Variants in CORO2B observed in about 807,000 individuals in gnomAD.
The protein encoded by CORO2B is coronin 2B.
A neutral mutation model predicts 58.8 loss-of-function variants in CORO2B; 26 were observed. The ratio of observed to expected loss-of-function variants is 0.44; its 90% CI spans 0.32 to 0.61. The LOEUF (loss-of-function observed/expected upper bound fraction) is 0.61. Among genes scored for constraint, CORO2B ranks in the 20% least tolerant of loss-of-function variants. CORO2B has a pLI of 0.04. For synonymous variants in CORO2B, 242 were observed against 253.8 expected (o/e 0.95, Z 0.44); for missense variants, 460 against 645.1 (o/e 0.71, Z 3.11).
At chr15:68,653,876 C>T (rs181378581) in intron 2 of CORO2B, among the ~76,000 whole-genome samples, 1 of 152,010 alleles carries the variant, frequency 6.6e-6, no homozygotes, top group South Asian at 2.1e-4. Flanking sequence ...AAAAAAAATG[C>T]CTGAATCTTC....
upstream of CORO2B, among the ~76,000 whole-genome samples, chr15:68,578,222 C>A (rs546747451): frequency 9.4e-4 from 143 of 152,252 alleles, no homozygotes; most frequent in African/African-American, 3.2e-3. This position sits in a 1 kb window ranked among gnomAD's most constrained non-coding sequence, Gnocchi z 4.2. Context: ...ACCAGTAGAG[C>A]GGCACTCAGT....
chr15:68,660,610 A>T (rs1047049027), intron 2 of CORO2B, among the ~76,000 whole-genome samples: 1 of 152,092 alleles, frequency 6.6e-6, no homozygotes, highest in African/African-American at 2.4e-5. Context: ...GGCTCAAGCA[A>T]TCCACCCATC....
intron 2 of CORO2B, among the ~76,000 whole-genome samples, chr15:68,676,840 C>G (rs982290122): frequency 4.4e-5 from 6 of 137,216 alleles, no homozygotes; most frequent in African/African-American, 2.0e-4. Flanking sequence ...GGCACCATCA[C>G]GACTCACTGC....
intron 1 of CORO2B, among the ~76,000 whole-genome samples, chr15:68,605,365 G>A (rs1212269045): frequency 2.0e-5 from 3 of 152,144 alleles, no homozygotes; most frequent in Non-Finnish European, 2.9e-5. Context: ...ATCCAAAGGC[G>A]GGGAAAAACT....
chr15:68,563,612 A>G, the CORO2B span, among the ~76,000 whole-genome samples: 1 of 152,248 alleles, frequency 6.6e-6, no homozygotes, highest in East Asian at 1.9e-4. Flanking sequence ...GGTTATTTGA[A>G]AAGATCAACA....
intron 2 of CORO2B, among the ~76,000 whole-genome samples, chr15:68,659,162 G>A (rs1023736862): frequency 6.6e-6 from 1 of 152,146 alleles, no homozygotes; most frequent in Non-Finnish European, 1.5e-5. Context: ...CCAGTAGGAG[G>A]GAATTGCTGT....
intron 1 of CORO2B, among the ~76,000 whole-genome samples, chr15:68,610,450 C>T (rs1438010025): frequency 6.6e-6 from 1 of 152,074 alleles, no homozygotes; most frequent in Non-Finnish European, 1.5e-5. Context: ...TTGTCTTCCT[C>T]CCTGATCTCC....
At chr15:68,536,033 A>T in the CORO2B span, among the ~76,000 whole-genome samples, 1 of 152,226 alleles carries the variant, frequency 6.6e-6, no homozygotes, top group East Asian at 1.9e-4. Flanking sequence ...TATGGTTCTG[A>T]AAACTTAGTT....
chr15:68,554,157 A>G, the CORO2B span, among the ~76,000 whole-genome samples: 1 of 152,044 alleles, frequency 6.6e-6, no homozygotes, highest in Non-Finnish European at 1.5e-5. Flanking sequence ...GTATGGGGAG[A>G]CAGAGAGGAA....
At chr15:68,545,892 C>T in the CORO2B span, among the ~76,000 whole-genome samples, 2 of 152,262 alleles carry the variant, frequency 1.3e-5, no homozygotes, top group African/African-American at 4.8e-5. Context: ...GTGCCAGGGC[C>T]CAGGAAGACT....
the CORO2B span, among the ~76,000 whole-genome samples, chr15:68,568,690 C>T: frequency 1.3e-5 from 2 of 152,196 alleles, no homozygotes; most frequent in South Asian, 4.2e-4. Context: ...GATTTTGCCC[C>T]CATTTTTTAA....
the CORO2B span, among the ~76,000 whole-genome samples, chr15:68,550,264 C>T: frequency 6.6e-5 from 10 of 152,102 alleles, no homozygotes; most frequent in Non-Finnish European, 1.0e-4. Flanking sequence ...AAAGAACCCC[C>T]GGGATGTAAT....
intron 1 of CORO2B, among the ~76,000 whole-genome samples, chr15:68,626,232 G>A (rs115971024): frequency 0.016 from 2,454 of 152,298 alleles, 73 homozygotes; most frequent in African/African-American, 0.057. Context: ...TAACGCAGGA[G>A]GGGGCTTGAG....
At chr15:68,581,426 A>G (rs925694797) in intron 1 of CORO2B, among the ~76,000 whole-genome samples, 2 of 152,208 alleles carry the variant, frequency 1.3e-5, no homozygotes, top group African/African-American at 4.8e-5. Flanking sequence ...TTTGCTGTCT[A>G]CAAGCCCGCT....
chr15:68,583,438 T>C (rs1899478422), intron 1 of CORO2B, among the ~76,000 whole-genome samples: 1 of 152,198 alleles, frequency 6.6e-6, no homozygotes, highest in Non-Finnish European at 1.5e-5. Context: ...TCCACCCGGC[T>C]GCCCTGGCAA....
chr15:68,549,953 AAAATAAATAAATAAAT>A, the CORO2B span, among the ~76,000 whole-genome samples: 4 of 144,572 alleles, frequency 2.8e-5, no homozygotes, highest in African/African-American at 1.0e-4. Context: ...AAAATAAAAT[AAAATAAATAAATAAAT>A]AAATAAATAA....
At position 68,645,993 on chromosome 15, in the gene CORO2B, C is replaced by T. The variant is rs779096181; in HGVS notation, c.216+633C>T. On this transcript the variant is annotated intron_variant, in intron 2 of 11. Coordinates refer to ENST00000261861, the MANE Select transcript of CORO2B (RefSeq NM_006091.5). The surrounding 1 kb of genome is among the most constrained non-coding windows in gnomAD (Gnocchi z 4.5). ...TTCACCATGTTGGTCAGGCTGGTCT[C>T]GAAATCCTGACCTCAGGTGATCTGC... Among the ~76,000 whole-genome samples, 2 of 151,922 alleles carry T rather than the reference C, an allele frequency of 1.3e-5. No individual in the cohort carries two copies. Among genetic ancestry groups the T allele is most frequent in the African/African-American group, 2.4e-5 (1 of 41,346 alleles).
intron 2 of CORO2B, among the ~76,000 whole-genome samples, chr15:68,654,777 C>T (rs1901751664): frequency 1.3e-5 from 2 of 152,364 alleles, no homozygotes; most frequent in African/African-American, 4.8e-5. Context: ...GACTGTTACC[C>T]ATCTCCAGGC....
the CORO2B span, among the ~76,000 whole-genome samples, chr15:68,564,022 A>G: frequency 5.3e-5 from 8 of 152,340 alleles, no homozygotes; most frequent in East Asian, 1.5e-3. Context: ...TAAACCCAGC[A>G]CTACCCTGAT....
Sources: gnomAD v4.1 joint callset for allele counts (sites outside exome capture counted in the v4.1 genomes callset) on GRCh38, gnomAD v4.1.1 for gene constraint, Gnocchi (gnomAD v3.1) non-coding constraint, MANE v1.5 for transcripts, NCBI Gene and HGNC (gene_info 2026-07-23, HGNC 2026-07-21) for gene names.